The following CFAP99 variants were observed in gnomAD, a reference collection of about 807,000 sequenced individuals.
CFAP99 encodes cilia- and flagella-associated protein 99.
A neutral mutation model predicts 82.7 loss-of-function variants in CFAP99; 84 were observed. That is an observed-to-expected ratio of 1.02 (90% CI 0.85 to 1.22). The LOEUF is 1.22. Among genes scored for constraint, CFAP99 ranks in the 50% most tolerant of loss-of-function variants. The pLI is 0.00. For missense variants in CFAP99, 1,059 were observed against 983.5 expected, an observed-to-expected ratio of 1.08 and a Z score of -1.03; for synonymous variants, 456 against 429.5, an observed-to-expected ratio of 1.06 and a Z score of -0.76.
intron 6 of CFAP99, 144 bp from the exon 7 acceptor site, chr4:2,449,526 G>C (rs918467314): frequency 1.7e-6 from 1 of 587,258 alleles, no homozygotes; most frequent in Non-Finnish European, 3.0e-6. Context: ...GGTGGTGTTA[G>C]CTCCAGCCCT....
intron 11 of CFAP99, among the ~76,000 whole-genome samples, chr4:2,454,592 TTG>T (rs1560388793): frequency 4.9e-5 from 7 of 142,624 alleles, no homozygotes; most frequent in African/African-American, 1.9e-4. Flanking sequence ...TTTTTTTTTT[TTG>T]TTTTTTTTTT....
At chr4:2,462,975 C>G, downstream of CFAP99, 2 of 1,084,840 alleles carry the variant, frequency 1.8e-6, no homozygotes, top group Non-Finnish European at 2.3e-6. The surrounding 1 kb of genome is among the most constrained non-coding windows in gnomAD (Gnocchi z 4.1). Context: ...CCTACACCCG[C>G]CGCCCCAATA....
intron 11 of CFAP99, among the ~76,000 whole-genome samples, chr4:2,456,757 G>T (rs1483064103): frequency 6.6e-6 from 1 of 151,872 alleles, no homozygotes; most frequent in African/African-American, 2.4e-5. Flanking sequence ...GATCTCAGGT[G>T]ATCTGCCTGC....
intron 11 of CFAP99, among the ~76,000 whole-genome samples, chr4:2,454,143 G>A (rs924310077): frequency 3.3e-5 from 5 of 152,202 alleles, no homozygotes; most frequent in African/African-American, 4.8e-5. Context: ...TATTATAGGC[G>A]CATGCCACAA....
intron 1 of CFAP99, among the ~76,000 whole-genome samples, chr4:2,424,780 C>T (rs1733651745): frequency 6.6e-6 from 1 of 152,234 alleles, no homozygotes; most frequent in Non-Finnish European, 1.5e-5. Flanking sequence ...AGCCGAGACT[C>T]CTCTGCATCC....
chr4:2,441,246 G>A (rs1356976967), intron 4 of CFAP99, among the ~76,000 whole-genome samples: 8 of 151,004 alleles, frequency 5.3e-5, no homozygotes, highest in East Asian at 2.0e-4. Flanking sequence ...GGTGGCACGC[G>A]CCTATAATCC....
In CFAP99 at chr4:2,460,212, G is replaced by A. The variant is rs186901249; in HGVS notation, c.1631G>A (p.Arg544His). Residue 544 changes from arginine (R) to histidine (H), a missense_variant, in exon 14 of 15, where the codon CGT becomes CAT. Physicochemically the swap from Arg to His is conservative, Grantham distance 29 (BLOSUM62 0). Coordinates refer to ENST00000635017, the Ensembl canonical transcript of CFAP99. ...ATGGTGGAGCAGATCTCGCTGTGCC[G>A]TGCAGCCATGGGGAGATCCGCAGCC... 2.6e-4 allele frequency: 394 copies of A among 1,536,086 alleles called. 1 individual carries two copies. The highest frequency in any genetic ancestry group is 8.4e-4 in the Admixed American group (43 of 50,986).
At chr4:2,459,279 G>C (rs914354541) in intron 13 of CFAP99, 21 bp downstream of exon 13, 1 of 1,514,864 alleles carries the variant, frequency 6.6e-7, no homozygotes. Context: ...AGTCCTGGAC[G>C]GGCCCATGCC....
In CFAP99 at chr4:2,457,952, G is replaced by A. The variant is rs547300653; in HGVS notation, c.1162-771G>A. ...CTTGTCCGCTGCCAGGGAGCTGCCA[G>A]GGTGGCAGAGGCAGAACTTAGCATC... On this transcript the variant is annotated intron_variant, in intron 11 of 14. Transcript: ENST00000635017. Among the ~76,000 whole-genome samples the A allele has an allele frequency of 1.4e-4, 21 of 152,334 alleles. No homozygotes were observed. In the South Asian group the frequency reaches 3.7e-3, roughly 27 times the overall value.
At chr4:2,442,762 G>A (rs2108725248) in intron 4 of CFAP99, among the ~76,000 whole-genome samples, 1 of 152,328 alleles carries the variant, frequency 6.6e-6, no homozygotes, top group East Asian at 1.9e-4. Context: ...AGGGACCCCG[G>A]GGGCTGCTCC....
intron 4 of CFAP99, among the ~76,000 whole-genome samples, chr4:2,441,007 A>G (rs1029802401): frequency 2.6e-5 from 4 of 151,698 alleles, no homozygotes; most frequent in African/African-American, 9.7e-5. Context: ...GCAGTGAGCC[A>G]TGATTGTGCC....
rs1165644960 is a variant in CFAP99, at chr4:2,462,730, C to T, written c.1949C>T (p.Ala650Val). 2.4e-6 allele frequency: 3 copies of T among 1,239,614 alleles called. No homozygotes were observed. The highest frequency in any genetic ancestry group is 3.3e-5 in the East Asian group (1 of 29,866). 76.8% of individuals were successfully genotyped at this position (1,239,614 alleles called of 1,614,324 possible). Residue 650 changes from alanine (A) to valine (V), a missense_variant, in exon 15 of 15, where the codon GCG (alanine) becomes GTG (valine). By Grantham distance (64) the Ala-to-Val change is moderately conservative. Coordinates refer to ENST00000635017, the Ensembl canonical transcript of CFAP99. The surrounding 1 kb of genome is among the most constrained non-coding windows in gnomAD (Gnocchi z 4.1). ...TGGCGGGGAGATCGGGTCCGGTCCG[C>T]GGCCGGGAGATACGCAGCGGCGGGC...
chr4:2,431,286 G>A (rs368859450), intron 2 of CFAP99, among the ~76,000 whole-genome samples: 1 of 151,494 alleles, frequency 6.6e-6, no homozygotes, highest in Non-Finnish European at 1.5e-5. Flanking sequence ...GGAGAATGGC[G>A]TGAACCTGGG....
At chr4:2,447,953 ATGGATGGAT>A (rs1212557882) in intron 6 of CFAP99, among the ~76,000 whole-genome samples, 2 of 149,228 alleles carry the variant, frequency 1.3e-5, no homozygotes, top group Admixed American at 6.6e-5. Context: ...GGATGGATGG[ATGGATGGAT>A]GGATGGATGG....
At position 2,462,108 on chromosome 4, in the gene CFAP99, G is replaced by A. The variant is rs902437379; in HGVS notation, c.1662-335G>A. The A allele has an allele frequency of 1.6e-4, 30 of 184,666 alleles. No homozygotes were observed. The highest frequency in any genetic ancestry group is 6.1e-4 in the African/African-American group (26 of 42,692). 11.4% of individuals were successfully genotyped at this position (184,666 alleles called of 1,614,324 possible). On this transcript the variant is annotated intron_variant, in intron 14 of 14. Transcript: ENST00000635017. This position sits in a 1 kb window ranked among gnomAD's most constrained non-coding sequence, Gnocchi z 4.1. ...GGAGGTCAAGGCTGCAGTGAGCCAT[G>A]ATCGCGCCACTGCACTCCAGCCTGG...
At chr4:2,455,755 G>T (rs1183443072) in intron 11 of CFAP99, among the ~76,000 whole-genome samples, 2 of 152,140 alleles carry the variant, frequency 1.3e-5, no homozygotes, top group African/African-American at 4.8e-5. Context: ...TTCTCTACTG[G>T]TCTAAGGATG....
intron 6 of CFAP99, among the ~76,000 whole-genome samples, chr4:2,449,344 C>T (rs896982104): frequency 6.6e-6 from 1 of 152,128 alleles, no homozygotes; most frequent in Non-Finnish European, 1.5e-5. Context: ...GGCTGCCTCC[C>T]CCTCTTGCTC....
At chr4:2,449,844 G>A in intron 7 of CFAP99, 90 bp from the exon 8 acceptor site, 6 of 1,528,524 alleles carry the variant, frequency 3.9e-6, no homozygotes, top group Non-Finnish European at 5.3e-6. Flanking sequence ...GAGGCAAGAG[G>A]GGGAGGCTGG....
intron 8 of CFAP99, chr4:2,450,459 T>C: frequency 7.3e-6 from 2 of 275,266 alleles, no homozygotes; most frequent in East Asian, 1.8e-4. Context: ...GGGCAGCCCA[T>C]ATGGTGCATG....
Sources: allele counts gnomAD v4.1 joint callset (sites outside exome capture counted in the v4.1 genomes callset), GRCh38; gene constraint gnomAD v4.1.1; non-coding constraint Gnocchi (gnomAD v3.1); transcripts MANE v1.5; gene names NCBI Gene and HGNC (gene_info 2026-07-23, HGNC 2026-07-21).